Variants in PKP1 observed in about 807,000 individuals in gnomAD.
PKP1 encodes plakophilin-1.
In PKP1, 27 loss-of-function variants were observed where a neutral mutation model predicts 76.4. The observed-to-expected ratio is 0.35, with a 90% CI of 0.26 to 0.49. PKP1 has a LOEUF of 0.49. Ranked by LOEUF, PKP1 falls within the 20% of genes least tolerant of loss-of-function variation. The pLI is 0.99. For synonymous variants in PKP1, 404 were observed against 384.2 expected, an observed-to-expected ratio of 1.05 and a Z score of -0.60; for missense variants, 964 against 955.2, an observed-to-expected ratio of 1.01 and a Z score of -0.12.
intron 2 of PKP1, among the ~76,000 whole-genome samples, chr1:201,309,356 C>G (rs543350128): frequency 9.2e-5 from 14 of 152,048 alleles, no homozygotes; most frequent in African/African-American, 3.4e-4. Flanking sequence ...CTAAAAGCAG[C>G]TTTTCCTGGC....
chr1:201,306,848 T>A (rs1321385434), intron 2 of PKP1, among the ~76,000 whole-genome samples: 2 of 3,180 alleles, frequency 6.3e-4, no homozygotes, highest in Non-Finnish European at 4.0e-3. Flanking sequence ...CTACTTTTTG[T>A]TTTTTTTGTA....
At chr1:201,287,591 G>A (rs1571536874) in intron 1 of PKP1, among the ~76,000 whole-genome samples, 2 of 152,194 alleles carry the variant, frequency 1.3e-5, no homozygotes, top group Admixed American at 6.5e-5. Context: ...ACCAATTCTT[G>A]TTTCTTTACA....
intron 6 of PKP1, among the ~76,000 whole-genome samples, 196 bp downstream of exon 6, chr1:201,318,991 C>T (rs907917454): frequency 6.6e-6 from 1 of 152,164 alleles, no homozygotes; most frequent in African/African-American, 2.4e-5. Context: ...CAGGACCCTA[C>T]CACCCCCTTT....
intron 4 of PKP1, 136 bp from the exon 5 acceptor site, chr1:201,317,436 A>G (rs763102126): frequency 2.4e-5 from 19 of 779,976 alleles, no homozygotes; most frequent in Non-Finnish European, 3.8e-5. Flanking sequence ...CACACTGCTT[A>G]TTTATTTTGG....
At chr1:201,292,134 G>A (rs1464767553) in intron 1 of PKP1, among the ~76,000 whole-genome samples, 1 of 152,184 alleles carries the variant, frequency 6.6e-6, no homozygotes, top group African/African-American at 2.4e-5. Flanking sequence ...TGAGGCAGGT[G>A]GCAAACGAGG....
At chr1:201,287,517 G>GT (rs1655776471) in intron 1 of PKP1, among the ~76,000 whole-genome samples, 2 of 152,212 alleles carry the variant, frequency 1.3e-5, no homozygotes, top group African/African-American at 4.8e-5. Context: ...GATTGCAGAT[G>GT]GTAATGGCTA....
chr1:201,312,104 C>G (rs564099548), intron 2 of PKP1, among the ~76,000 whole-genome samples: 163 of 152,340 alleles, frequency 1.1e-3, no homozygotes, highest in African/African-American at 3.9e-3. Context: ...CTGTACCCCA[C>G]CTTGCAGCCC....
chr1:201,290,163 T>C (rs1158596814), intron 1 of PKP1, among the ~76,000 whole-genome samples: 1 of 152,002 alleles, frequency 6.6e-6, no homozygotes, highest in Non-Finnish European at 1.5e-5. Flanking sequence ...ACCTGAGCGG[T>C]AGATTTTCTG....
Position 201,283,753 on chromosome 1 carries a change from C to T in PKP1, c.51C>T (p.Asp17=), listed in dbSNP as rs1558180237. The T allele has an allele frequency of 6.2e-7, 1 of 1,614,170 alleles. No homozygotes were observed. Among genetic ancestry groups the T allele is most frequent in the East Asian group, 2.2e-5 (1 of 44,878 alleles). The change falls in exon 1 of 14, where the codon GAC becomes GAT. Residue 17 remains aspartate, a synonymous_variant. Coordinates refer to ENST00000367324, the MANE Select transcript of PKP1 (RefSeq NM_001005337.3). The part of the protein sequence containing the change: ...KTALAYECFQ[D]QDNSTLALPS... ...CCTTGGCGTACGAATGCTTCCAGGA[C>T]CAGGACAACTCCACGTTGGCTTTGC... is the stretch of plus-strand genomic sequence containing the variant.
intron 2 of PKP1, among the ~76,000 whole-genome samples, chr1:201,295,493 A>G (rs749115916): frequency 2.0e-5 from 3 of 152,242 alleles, no homozygotes; most frequent in Non-Finnish European, 4.4e-5. Context: ...TGATGACCAA[A>G]TTGAGAAAAT....
intron 8 of PKP1, 116 bp downstream of exon 8, chr1:201,322,249 C>G: frequency 8.7e-7 from 1 of 1,145,196 alleles, no homozygotes; most frequent in Non-Finnish European, 1.2e-6. Flanking sequence ...CCCTAAGGGA[C>G]AGGCCCATGC....
At position 201,313,132 on chromosome 1, in the gene PKP1, C is replaced by A. The variant is rs374992083; in HGVS notation, c.307-34C>A. 2.5e-5 allele frequency: 40 copies of A among 1,605,696 alleles called. No individual in the cohort carries two copies. The African/African-American group carries it at 3.2e-4, about 13-fold the overall frequency. ...TGGATCCAGGACCCCCATTTAGGAA[C>A]CTTGACTGAGCTTTTCTCCCTTTCC... On this transcript the variant is annotated intron_variant, in intron 2 of 13. Coordinates refer to ENST00000367324, the MANE Select transcript of PKP1 (RefSeq NM_001005337.3).
rs142982603 is a variant in PKP1, at chr1:201,317,829, C to T, written c.1054+50C>T. The T allele has an allele frequency of 4.1e-4, 631 of 1,533,746 alleles. 4 individuals carry two copies. The African/African-American group carries it at 8.0e-3, about 19-fold the overall frequency. On this transcript the variant is annotated intron_variant, in intron 5 of 13. Transcript: ENST00000367324. Reference sequence around the variant, plus strand: ...CCAGCCTGAGGGCTGTGCAAGGCCACTGGCTATGGCCCCAGGCTGGGGTGC... The same window carrying T: ...CCAGCCTGAGGGCTGTGCAAGGCCATTGGCTATGGCCCCAGGCTGGGGTGC...
chr1:201,325,163 A>G (rs746670515), intron 11 of PKP1, 36 bp downstream of exon 11: 4 of 1,599,002 alleles, frequency 2.5e-6, no homozygotes, highest in Admixed American at 1.7e-5. Context: ...CTGCACCCCA[A>G]TCAGAGCCCC....
intron 10 of PKP1, 117 bp from the exon 11 acceptor site, chr1:201,324,824 G>T (rs1558196268): frequency 4.3e-6 from 5 of 1,158,338 alleles, no homozygotes; most frequent in Non-Finnish European, 6.3e-6. Flanking sequence ...AGCCCTGAGG[G>T]CCACCTGGCT....
rs577963887 is a variant in PKP1, at chr1:201,321,942, C to A, written c.1348-36C>A. On this transcript the variant is annotated intron_variant, in intron 7 of 13. Coordinates refer to ENST00000367324, the MANE Select transcript of PKP1 (RefSeq NM_001005337.3). ...TAGGCCAGGAGCCTGTCGGGCCGGG[C>A]AGAGGCTCAGGCCCATGCCTCTCCT... 153 of 1,612,892 alleles carry A rather than the reference C, an allele frequency of 9.5e-5. 3 individuals carry two copies. The South Asian group carries it at 1.6e-3, about 17-fold the overall frequency.
rs886045810 is a variant in PKP1, at chr1:201,316,673, C to G, written c.822C>G (p.Phe274Leu). 6.2e-7 allele frequency: 1 copy of G among 1,613,974 alleles called. No individual in the cohort carries two copies. The highest frequency in any genetic ancestry group is 1.1e-5 in the South Asian group (1 of 91,034). The change falls in exon 4 of 14, where the codon TTC becomes TTG. Residue 274 changes from phenylalanine (F) to leucine (L), a missense_variant. Physicochemically the swap from Phe to Leu is conservative, Grantham distance 22 (BLOSUM62 0). Transcript: ENST00000367324. ...CCTATTACATCCAGCATACCTGCTT[C>G]CAGGATGAATCTGCCAAGCAACAGG... Reference protein sequence around the residue: ...IGAYYIQHTCFQDESAKQQVY... With the variant: ...IGAYYIQHTCLQDESAKQQVY...
intron 13 of PKP1, among the ~76,000 whole-genome samples, 198 bp downstream of exon 13, chr1:201,329,066 A>G (rs1301099901): frequency 6.6e-6 from 1 of 152,138 alleles, no homozygotes; most frequent in Non-Finnish European, 1.5e-5. Flanking sequence ...AGGGGTGTAT[A>G]ATGTCCTGGG....
chr1:201,303,332 T>C (rs1558186302), intron 2 of PKP1, among the ~76,000 whole-genome samples: 1 of 152,140 alleles, frequency 6.6e-6, no homozygotes, highest in Non-Finnish European at 1.5e-5. Context: ...CTCACTATGT[T>C]GCCCAGGCTG....
Sources: allele counts gnomAD v4.1 joint callset (sites outside exome capture counted in the v4.1 genomes callset), GRCh38; gene constraint gnomAD v4.1.1; transcripts MANE v1.5; gene names NCBI Gene and HGNC (gene_info 2026-07-23, HGNC 2026-07-21).